Variants in RANBP9 observed in about 807,000 individuals in gnomAD.
RANBP9 encodes RAN binding protein 9.
A neutral mutation model predicts 84.3 loss-of-function variants in RANBP9; 15 were observed. That is an observed-to-expected ratio of 0.18 (90% CI 0.12 to 0.27). RANBP9 has a LOEUF of 0.27. RANBP9 is among the 10% of genes least tolerant of loss of function. The pLI, the probability that RANBP9 is intolerant of heterozygous loss-of-function variation, is 1.00. For synonymous variants in RANBP9, 392 were observed against 349.6 expected (o/e 1.12, Z -1.35); for missense variants, 809 against 912.8 (o/e 0.89, Z 1.46).
chr6:13,633,108 C>T (rs965309620), intron 11 of RANBP9, among the ~76,000 whole-genome samples: 1 of 151,892 alleles, frequency 6.6e-6, no homozygotes, highest in Non-Finnish European at 1.5e-5. Flanking sequence ...GATCCCAGCT[C>T]ACTGGAACCT....
intron 8 of RANBP9, among the ~76,000 whole-genome samples, chr6:13,640,493 T>C (rs923539082): frequency 5.3e-5 from 8 of 152,098 alleles, no homozygotes; most frequent in Non-Finnish European, 1.2e-4. Flanking sequence ...AGCCAAGAGG[T>C]AGAAGCAAAC....
chr6:13,652,467 T>C (rs2127768901), intron 5 of RANBP9, among the ~76,000 whole-genome samples, 192 bp downstream of exon 5: 1 of 152,358 alleles, frequency 6.6e-6, no homozygotes, highest in Admixed American at 6.5e-5. Flanking sequence ...ATGAATCCAG[T>C]GCAAGTTGGA....
At chr6:13,696,955 A>C (rs1165185486) in intron 1 of RANBP9, 59 bp from the exon 2 acceptor site, 2 of 1,375,530 alleles carry the variant, frequency 1.5e-6, no homozygotes, top group Non-Finnish European at 2.0e-6. Context: ...AAAGATGAAA[A>C]CCTTAAACAA....
At chr6:13,626,050 C>T (rs951035524) in intron 12 of RANBP9, among the ~76,000 whole-genome samples, 1 of 152,194 alleles carries the variant, frequency 6.6e-6, no homozygotes, top group Non-Finnish European at 1.5e-5. Flanking sequence ...TGAACTAGTA[C>T]TGGTGTAGGG....
intron 5 of RANBP9, among the ~76,000 whole-genome samples, chr6:13,648,145 T>TTTTTTTTG (rs1212498751): frequency 7.5e-6 from 1 of 134,080 alleles, no homozygotes; most frequent in Non-Finnish European, 1.6e-5. Flanking sequence ...TGACTGGTTT[T>TTTTTTTTG]TTTTTTTTTT....
rs573283478 is a variant in RANBP9, at chr6:13,625,922, T to C, written c.1948-158A>G. Among the ~76,000 whole-genome samples the C allele has an allele frequency of 3.0e-3, 460 of 152,366 alleles. 2 individuals carry two copies. Among genetic ancestry groups the C allele is most frequent in the South Asian group, 9.7e-3 (47 of 4,828 alleles). On this transcript the variant is annotated intron_variant, in intron 12 of 13. Coordinates refer to ENST00000011619, the MANE Select transcript of RANBP9 (RefSeq NM_005493.3). ...CCAGCACTGGGACGCTCTACATTTT[T>C]GAACATTAAATTATGCAGCAAAGCC...
At chr6:13,683,015 A>G (rs1766080757) in intron 2 of RANBP9, among the ~76,000 whole-genome samples, 1 of 152,196 alleles carries the variant, frequency 6.6e-6, no homozygotes. Context: ...ATGTTTGTAA[A>G]TGTTGGGGAG....
rs190213931 is a variant in RANBP9, at chr6:13,699,589, G to A, written c.572-2693C>T. On this transcript the variant is annotated intron_variant, in intron 1 of 13. Transcript: ENST00000011619. The stretch of plus-strand genomic sequence containing the variant: ...ATTGGGCATTTCCTTTGAGCCGGGC[G>A]TGGTGGCTCATGCCTGTAATTCCAG... 1.4e-4 allele frequency among the ~76,000 whole-genome samples: 22 copies of A among 152,274 alleles called. No homozygotes were observed. The East Asian group carries it at 4.1e-3, about 28-fold the overall frequency.
chr6:13,669,499 G>A (rs953528677), intron 2 of RANBP9, among the ~76,000 whole-genome samples: 2 of 152,212 alleles, frequency 1.3e-5, no homozygotes, highest in Non-Finnish European at 2.9e-5. Context: ...CAGTAACCAA[G>A]AGAATGTGTT....
At chr6:13,630,106 G>T (rs1764736601) in intron 12 of RANBP9, among the ~76,000 whole-genome samples, 1 of 152,030 alleles carries the variant, frequency 6.6e-6, no homozygotes, top group Non-Finnish European at 1.5e-5. Context: ...AAATCATCCG[G>T]CCTTGTTCTT....
intron 10 of RANBP9, among the ~76,000 whole-genome samples, chr6:13,635,968 A>T (rs2127763288): frequency 6.6e-6 from 1 of 152,130 alleles, no homozygotes; most frequent in South Asian, 2.1e-4. Context: ...AAAGCTAATT[A>T]AGTTATTATA....
intron 7 of RANBP9, among the ~76,000 whole-genome samples, chr6:13,641,891 A>G (rs1222533074): frequency 6.6e-6 from 1 of 152,144 alleles, no homozygotes; most frequent in African/African-American, 2.4e-5. Context: ...TTCACCCATT[A>G]ATTTCACCCA....
At chr6:13,679,744 A>G (rs1406618622) in intron 2 of RANBP9, among the ~76,000 whole-genome samples, 2 of 152,214 alleles carry the variant, frequency 1.3e-5, no homozygotes, top group African/African-American at 4.8e-5. Flanking sequence ...TTTCAATTCT[A>G]TAAACATTAC....
Position 13,622,338 on chromosome 6 carries a change from A to T in RANBP9, c.*24T>A. The T allele has an allele frequency of 1.3e-6, 2 of 1,523,382 alleles. No individual in the cohort carries two copies. The highest frequency in any genetic ancestry group is 1.8e-6 in the Non-Finnish European group (2 of 1,135,316). The allele number at this position is 1,523,382 out of a possible 1,614,324, so 94.4% of individuals were successfully genotyped here. On this transcript the variant is annotated 3_prime_UTR_variant, in exon 14 of 14. Coordinates refer to ENST00000011619, the MANE Select transcript of RANBP9 (RefSeq NM_005493.3). ...CATGTTGACTATATGCCACAATATA[A>T]GTGTGAGCTCTTGAAATGCATAGCT... is the stretch of plus-strand genomic sequence containing the variant.
At chr6:13,706,222 T>C (rs1758116872) in intron 1 of RANBP9, among the ~76,000 whole-genome samples, 1 of 152,112 alleles carries the variant, frequency 6.6e-6, no homozygotes, top group Non-Finnish European at 1.5e-5. Context: ...CGGGCACCTG[T>C]AGTCCCAGCT....
At chr6:13,638,169 TAC>T (rs1170380175) in intron 9 of RANBP9, among the ~76,000 whole-genome samples, 4 of 152,176 alleles carry the variant, frequency 2.6e-5, no homozygotes, top group Non-Finnish European at 5.9e-5. Context: ...AAGGCTTAAT[TAC>T]ACATCTCATT....
chr6:13,677,455 A>C (rs1479148151), intron 2 of RANBP9, among the ~76,000 whole-genome samples: 1 of 152,188 alleles, frequency 6.6e-6, no homozygotes, highest in African/African-American at 2.4e-5. Context: ...CTGACACAGT[A>C]AGAGGGATCT....
At chr6:13,635,906 G>A (rs1060567) in intron 10 of RANBP9, among the ~76,000 whole-genome samples, 7,785 of 151,728 alleles carry the variant, frequency 0.051, 286 homozygotes, top group Admixed American at 0.13. Context: ...CCTGTTAGGT[G>A]CTAAGGATAT....
At chr6:13,658,423 A>C (rs1419447218) in intron 3 of RANBP9, among the ~76,000 whole-genome samples, 1 of 152,188 alleles carries the variant, frequency 6.6e-6, no homozygotes, top group Non-Finnish European at 1.5e-5. Flanking sequence ...AGCCTGGCCA[A>C]AATGGCAAAA....
Sources: gnomAD v4.1 joint callset for allele counts (sites outside exome capture counted in the v4.1 genomes callset) on GRCh38, gnomAD v4.1.1 for gene constraint, MANE v1.5 for transcripts, NCBI Gene and HGNC (gene_info 2026-07-23, HGNC 2026-07-21) for gene names.